The following AKAP17A variants were observed in gnomAD, a reference collection of about 807,000 sequenced individuals.
The protein encoded by AKAP17A is A-kinase anchoring protein 17A.
Under a neutral mutation model 52.2 loss-of-function variants are expected in AKAP17A, and 15 were observed. The observed-to-expected ratio is 0.29, with a 90% CI of 0.19 to 0.44. AKAP17A has a LOEUF of 0.44. Ranked by LOEUF, AKAP17A falls within the 20% of genes least tolerant of loss-of-function variation. AKAP17A has a pLI of 1.00. For synonymous variants in AKAP17A, 514 were observed against 424.7 expected, an observed-to-expected ratio of 1.21 and a Z score of -2.58; for missense variants, 1,060 against 1,007.0, an observed-to-expected ratio of 1.05 and a Z score of -0.71.
chrX:1,595,342 G>GT, intron 2 of AKAP17A, 42 bp from the exon 3 acceptor site: 1 of 1,611,842 alleles, frequency 6.2e-7, no homozygotes, highest in Non-Finnish European at 8.5e-7. Flanking sequence ...TGTCTGGGGG[G>GT]TTTTGGGGGA....
rs372427563 is a variant in AKAP17A, at chrX:1,601,387, C to T, written c.1881C>T (p.His627=). The T allele has an allele frequency of 9.0e-5, 141 of 1,569,870 alleles. 1 individual carries two copies. The South Asian group carries it at 1.1e-3, about 13-fold the overall frequency. The change falls in exon 5 of 5, where the codon CAC becomes CAT. Residue 627 remains histidine, a synonymous_variant. Transcript: ENST00000313871. ...PRKERRPHKK[H]AYKDDSPRRR... ...AGGAGCGGCGGCCCCACAAGAAGCACGCCTACAAGGATGACAGCCCCCGCC... is the reference window on the plus strand; with the variant it reads ...AGGAGCGGCGGCCCCACAAGAAGCATGCCTACAAGGATGACAGCCCCCGCC...
At chrX:1,598,102 C>T (rs1432820871) in intron 3 of AKAP17A, among the ~76,000 whole-genome samples, 4 of 152,220 alleles carry the variant, frequency 2.6e-5, no homozygotes, top group Non-Finnish European at 4.4e-5. Context: ...CCTCTGAAAG[C>T]TGCCCAGCCT....
At position 1,600,771 on chromosome X, in the gene AKAP17A, A is replaced by G. The variant is rs1462618903; in HGVS notation, c.1265A>G (p.Glu422Gly). Reference protein sequence around the residue: ...AELRRVEEEKERALGLQRKER... With the variant: ...AELRRVEEEKGRALGLQRKER... Reference sequence around the variant, plus strand: ...CTGCGGCGCGTGGAGGAGGAGAAGGAGCGCGCGCTGGGCCTGCAGCGGAAA... The same window carrying G: ...CTGCGGCGCGTGGAGGAGGAGAAGGGGCGCGCGCTGGGCCTGCAGCGGAAA... Residue 422 changes from glutamate to glycine, a missense_variant, in exon 5 of 5, where the codon GAG (glutamate) becomes GGG (glycine). Coordinates refer to ENST00000313871, the MANE Select transcript of AKAP17A (RefSeq NM_005088.3). The G allele has an allele frequency of 2.5e-6, 4 of 1,570,698 alleles. No homozygotes were observed. In the South Asian group the frequency reaches 4.6e-5, roughly 18 times the overall value.
chrX:1,596,835 C>A (rs868194297), intron 3 of AKAP17A, among the ~76,000 whole-genome samples: 1 of 70,582 alleles, frequency 1.4e-5, no homozygotes, highest in Admixed American at 1.2e-4. Flanking sequence ...TCCTCTTCCT[C>A]CTCCATCCCT....
chrX:1,601,105 C>T lies in AKAP17A; in HGVS notation c.1599C>T (p.Pro533=), dbSNP rs747336063. Residue 533 remains proline, a synonymous_variant, in exon 5 of 5, where the codon CCC becomes CCT. Coordinates refer to ENST00000313871, the MANE Select transcript of AKAP17A (RefSeq NM_005088.3). ...TTCAGAGCTCCTGTCGTGTGGTCCC[C>T]GAGGATGGCTCTCCAGAGAAGAGGT... ...KEVQSSCRVV[P]EDGSPEKRCP... is the part of the protein sequence containing the mutation. 35 of 1,613,820 alleles carry T rather than the reference C, an allele frequency of 2.2e-5. No individual in the cohort carries two copies. The highest frequency in any genetic ancestry group is 1.3e-4 in the East Asian group (6 of 44,858).
intron 2 of AKAP17A, among the ~76,000 whole-genome samples, chrX:1,594,912 C>T (rs1432055661): frequency 6.6e-6 from 1 of 152,222 alleles, no homozygotes; most frequent in Non-Finnish European, 1.5e-5. Flanking sequence ...CCACTGCGCT[C>T]AGCCTAGCCT....
At chrX:1,598,366 G>A (rs1358938601) in intron 3 of AKAP17A, among the ~76,000 whole-genome samples, 6 of 152,112 alleles carry the variant, frequency 3.9e-5, no homozygotes, top group African/African-American at 7.2e-5. Flanking sequence ...CCTTGTCCCC[G>A]TGTCTCCTCT....
At chrX:1,595,980 G>T (rs1404619422) in intron 3 of AKAP17A, among the ~76,000 whole-genome samples, 2 of 152,162 alleles carry the variant, frequency 1.3e-5, no homozygotes, top group Non-Finnish European at 2.9e-5. Flanking sequence ...GGACCTGCGT[G>T]AGTGGCTGTT....
intron 2 of AKAP17A, 120 bp from the exon 3 acceptor site, chrX:1,595,264 G>C: frequency 1.5e-6 from 2 of 1,299,310 alleles, no homozygotes; most frequent in Non-Finnish European, 1.1e-6. Context: ...TGAGCGGTGA[G>C]CGGTGAGCGG....
chrX:1,600,703 G>A lies in AKAP17A; in HGVS notation c.1197G>A (p.Arg399=), dbSNP rs376824916. 5,400 of 1,546,266 alleles carry A rather than the reference G, an allele frequency of 3.5e-3. 221 individuals carry two copies. In the South Asian group the frequency reaches 0.06, roughly 17 times the overall value. Residue 399 remains arginine (R), a synonymous_variant, in exon 5 of 5, where the codon AGG becomes AGA. Coordinates refer to ENST00000313871, the MANE Select transcript of AKAP17A (RefSeq NM_005088.3). ...AGGAGCAGAAGGAGGAGAAGCTGAG[G>A]CTCCAGCAGCAGGAGGAGCGGCGGC... ...REQEQKEEKL[R]LQQQEERRRL...
intron 1 of AKAP17A, among the ~76,000 whole-genome samples, chrX:1,592,819 C>G (rs1189247633): frequency 1.3e-5 from 2 of 152,188 alleles, no homozygotes; most frequent in African/African-American, 4.8e-5. Context: ...ACGGGGGACT[C>G]CGGCCCCTAA....
intron 1 of AKAP17A, among the ~76,000 whole-genome samples, chrX:1,592,515 A>G (rs1300230505): frequency 8.6e-5 from 13 of 151,964 alleles, no homozygotes; most frequent in African/African-American, 2.7e-4. Context: ...GTCTCTGTCC[A>G]GACTGGAGCC....
At chrX:1,597,164 C>A (rs1244964345) in intron 3 of AKAP17A, among the ~76,000 whole-genome samples, 1 of 151,528 alleles carries the variant, frequency 6.6e-6, no homozygotes, top group Non-Finnish European at 1.5e-5. Context: ...GTGATGTTTG[C>A]ACGAGAGTCC....
rs1363818237 is a variant in AKAP17A, at chrX:1,593,467, C to T, written c.5C>T (p.Ala2Val). Residue 2 changes from alanine to valine, a missense_variant, in exon 2 of 5, where the codon GCA (alanine) becomes GTA (valine). By Grantham distance (64) the Ala-to-Val change is moderately conservative. Transcript: ENST00000313871. ...AGGCCCAAGGTCCCGGAGGCTATGG[C>T]AGCGGCTACCATCGTGCACGACACG... is the stretch of plus-strand genomic sequence containing the variant. M[A>V]AATIVHDTSE... The T allele has an allele frequency of 1.2e-6, 2 of 1,611,628 alleles. No homozygotes were observed. Among genetic ancestry groups the T allele is most frequent in the Non-Finnish European group, 1.7e-6 (2 of 1,178,356 alleles).
In AKAP17A at chrX:1,601,535, C is replaced by T. The variant is rs759628722; in HGVS notation, c.2029C>T (p.Arg677Ter). The change falls in exon 5 of 5, where the codon CGA becomes TGA. Residue 677 changes from arginine to a stop codon, truncating the protein, a stop_gained. Transcript: ENST00000313871. LOFTEE classifies it high-confidence loss of function. ...CAGGAAGCACAGCCGCCACCGCCGC[C>T]GAAGCGAGCGGTCGCGCTCCCGGTC... Reference protein sequence around the residue: ...ASRKHSRHRRRSERSRSRSPS... With the variant: ...ASRKHSRHRR 25 of 1,483,502 alleles carry T rather than the reference C, an allele frequency of 1.7e-5. No homozygotes were observed. The highest frequency in any genetic ancestry group is 2.5e-4 in the Middle Eastern group (1 of 4,024). 91.9% of individuals were successfully genotyped at this position (1,483,502 alleles called of 1,614,324 possible). A position where few individuals can be genotyped will look rare whatever the true frequency, so the allele number is the denominator to read the frequency against.
intron 3 of AKAP17A, 91 bp from the exon 4 acceptor site, chrX:1,599,101 C>T: frequency 4.5e-6 from 7 of 1,541,192 alleles, no homozygotes; most frequent in South Asian, 2.5e-5. Context: ...GGACCGTGGC[C>T]TGTTCCGCCG....
intron 1 of AKAP17A, among the ~76,000 whole-genome samples, chrX:1,592,388 G>A (rs1437633936): frequency 6.6e-6 from 1 of 152,070 alleles, no homozygotes; most frequent in East Asian, 1.9e-4. Context: ...GCCGCGTACT[G>A]GGGATTGGGC....
At position 1,601,262 on chromosome X, in the gene AKAP17A, G is replaced by C. The variant is rs774725526; in HGVS notation, c.1756G>C (p.Gly586Arg). 1.9e-6 allele frequency: 3 copies of C among 1,613,160 alleles called. No homozygotes were observed. The highest frequency in any genetic ancestry group is 1.7e-6 in the Non-Finnish European group (2 of 1,179,556). ...CAAGTGCAACCGGGAGCCCAGCAAG[G>C]GCCGGGGCCGGGCCACCGGAGACGG... ...QDKCNREPSK[G>R]RGRATGDGLA... is the part of the protein sequence containing the mutation. The change falls in exon 5 of 5, where the codon GGC (glycine) becomes CGC (arginine). Residue 586 changes from glycine to arginine, a missense_variant. Transcript: ENST00000313871.
Position 1,595,580 on chromosome X carries a change from G to A in AKAP17A, c.911+48G>A, listed in dbSNP as rs756053108. On this transcript the variant is annotated intron_variant, in intron 3 of 4. Coordinates refer to ENST00000313871, the MANE Select transcript of AKAP17A (RefSeq NM_005088.3). ...CTCGGCGCTGGTGTCCGGCACCTGG[G>A]AGTGTGCGCAGACCCGTGTGCGTGT... 7 of 1,611,632 alleles carry A rather than the reference G, an allele frequency of 4.3e-6. No homozygotes were observed. In the South Asian group the frequency reaches 4.4e-5, roughly 10 times the overall value.
Sources: allele counts gnomAD v4.1 joint callset (sites outside exome capture counted in the v4.1 genomes callset), GRCh38; gene constraint gnomAD v4.1.1; transcripts MANE v1.5; gene names NCBI Gene and HGNC (gene_info 2026-07-23, HGNC 2026-07-21).